Variants in XKR4 observed in about 807,000 individuals in gnomAD.
XKR4 encodes XK related 4, also known as XK-related protein 4.
In XKR4, 12 loss-of-function variants were observed where a neutral mutation model predicts 53.9. The ratio of observed to expected loss-of-function variants is 0.22; its 90% CI spans 0.14 to 0.36. The LOEUF (loss-of-function observed/expected upper bound fraction) is 0.36, where lower values mean the gene tolerates loss of function less well. Ranked by LOEUF, XKR4 falls within the 10% of genes least tolerant of loss-of-function variation. The probability of loss-of-function intolerance (pLI) is 1.00; values close to 1 mark genes in which losing one functional copy is unlikely to be tolerated. For missense variants in XKR4, 799 were observed against 859.5 expected, an observed-to-expected ratio of 0.93 and a Z score of 0.88; for synonymous variants, 354 against 362.4, an observed-to-expected ratio of 0.98 and a Z score of 0.26.
At chr8:55,257,231 G>T (rs745741422) in intron 1 of XKR4, among the ~76,000 whole-genome samples, 1 of 152,092 alleles carries the variant, frequency 6.6e-6, no homozygotes, top group Non-Finnish European at 1.5e-5. Flanking sequence ...ATATTCTAAG[G>T]CTTCCTTAAG....
At chr8:55,336,078 C>T (rs1312543697) in intron 1 of XKR4, among the ~76,000 whole-genome samples, 1 of 145,560 alleles carries the variant, frequency 6.9e-6, no homozygotes, top group Non-Finnish European at 1.5e-5. Flanking sequence ...AAACAGAGTA[C>T]TTATAAAAGT....
chr8:55,451,424 G>A (rs935974760), intron 2 of XKR4: 2 of 1,158,004 alleles, frequency 1.7e-6, no homozygotes, highest in African/African-American at 1.5e-5. Context: ...GAGTAGCGGG[G>A]CATGGAGCTG....
Position 55,103,058 on chromosome 8 carries a change from C to G in XKR4, c.570C>G (p.Ala190=), listed in dbSNP as rs1026625590. 1.9e-6 allele frequency: 3 copies of G among 1,612,828 alleles called. No individual in the cohort carries two copies. The highest frequency in any genetic ancestry group is 1.7e-5 in the Admixed American group (1 of 59,968). ...CCTCCAGCTGCCCGCAGCCTGGAGC[C>G]GATTGCAAGACGGTGGTCGGCGGTG... ...AAASSCPQPG[A]DCKTVVGGGS... Residue 190 remains alanine, a synonymous_variant, in exon 1 of 3, where the codon GCC becomes GCG. Coordinates refer to ENST00000327381, the MANE Select transcript of XKR4 (RefSeq NM_052898.2).
rs1270518503 is a variant in XKR4, at chr8:55,465,459, T to C, written c.1007-57822T>C. Among the ~76,000 whole-genome samples, 3 of 152,044 alleles carry C rather than the reference T, an allele frequency of 2.0e-5. No homozygotes were observed. The East Asian group carries it at 5.8e-4, about 29-fold the overall frequency. ...TGTAGAAAGCTGAAACTGGATCCCTTCCTTACACCTTATACAAAAATTAAC... is the reference window on the plus strand; with the variant it reads ...TGTAGAAAGCTGAAACTGGATCCCTCCCTTACACCTTATACAAAAATTAAC... On this transcript the variant is annotated intron_variant, in intron 2 of 2. Coordinates refer to ENST00000327381, the MANE Select transcript of XKR4 (RefSeq NM_052898.2).
At chr8:55,439,432 G>A (rs961482444) in intron 2 of XKR4, among the ~76,000 whole-genome samples, 1 of 152,072 alleles carries the variant, frequency 6.6e-6, no homozygotes, top group African/African-American at 2.4e-5. Flanking sequence ...CAACAGATTG[G>A]CAAAGTCAGC....
chr8:55,307,790 A>G (rs4737297), intron 1 of XKR4, among the ~76,000 whole-genome samples: 16,890 of 152,242 alleles, frequency 0.11, 1,791 homozygotes, highest in African/African-American at 0.28. Flanking sequence ...AATTAAGAAC[A>G]GTGACAGCAG....
intron 2 of XKR4, among the ~76,000 whole-genome samples, chr8:55,398,265 G>A (rs1363357574): frequency 6.6e-6 from 1 of 152,150 alleles, no homozygotes; most frequent in African/African-American, 2.4e-5. Flanking sequence ...TAGAGAGGGA[G>A]GTGAGGAGGA....
chr8:55,194,442 T>C (rs1295537270), intron 1 of XKR4, among the ~76,000 whole-genome samples: 1 of 152,180 alleles, frequency 6.6e-6, no homozygotes, highest in Non-Finnish European at 1.5e-5. Context: ...TCTACCCATA[T>C]ACCACGATTG....
At chr8:55,204,562 C>G (rs546511211) in intron 1 of XKR4, among the ~76,000 whole-genome samples, 1 of 152,090 alleles carries the variant, frequency 6.6e-6, no homozygotes, top group Non-Finnish European at 1.5e-5. Flanking sequence ...TTTATACCCA[C>G]GTAGCCCATG....
chr8:55,527,991 T>C lies in XKR4; in HGVS notation c.*3764T>C, dbSNP rs1806900760. The C allele has an allele frequency of 2.0e-5, 3 of 152,030 alleles. No homozygotes were observed. The highest frequency in any genetic ancestry group is 6.5e-5 in the Admixed American group (1 of 15,284). The allele number at this position is 152,030 out of a possible 1,614,324, so 9.4% of individuals were successfully genotyped here. A position where few individuals can be genotyped will look rare whatever the true frequency, so the allele number is the denominator to read the frequency against. ...ACATATATGTATATATACGTACCTA[T>C]ATATGTATGTACACACACACACACA... On this transcript the variant is annotated 3_prime_UTR_variant, in exon 3 of 3. Transcript: ENST00000327381.
At chr8:55,308,731 T>C (rs1281846182) in intron 1 of XKR4, among the ~76,000 whole-genome samples, 2 of 152,184 alleles carry the variant, frequency 1.3e-5, no homozygotes, top group African/African-American at 4.8e-5. Context: ...TTATTTGAAA[T>C]AATCCAGAAA....
chr8:55,425,921 G>T (rs1040472280), intron 2 of XKR4, among the ~76,000 whole-genome samples: 1 of 152,134 alleles, frequency 6.6e-6, no homozygotes, highest in African/African-American at 2.4e-5. Context: ...TGCCATCAGC[G>T]GCTTTCCTTT....
At chr8:55,393,064 T>G (rs1341817579) in intron 2 of XKR4, among the ~76,000 whole-genome samples, 2 of 152,086 alleles carry the variant, frequency 1.3e-5, no homozygotes, top group African/African-American at 4.8e-5. Context: ...CATCATCATT[T>G]TAAAATGCCA....
chr8:55,382,903 G>A lies in XKR4; in HGVS notation c.1006+25026G>A, dbSNP rs544336196. ...CACAGACCCAGGCACATTTGGGTGA[G>A]TAAATGAATGAACACATGTTCAAAC... On this transcript the variant is annotated intron_variant, in intron 2 of 2. Transcript: ENST00000327381. 2.0e-5 allele frequency among the ~76,000 whole-genome samples: 3 copies of A among 152,260 alleles called. No individual in the cohort carries two copies. The South Asian group carries it at 6.2e-4, about 32-fold the overall frequency.
rs185107860 is a variant in XKR4, at chr8:55,234,287, G to A, written c.807-123391G>A. Among the ~76,000 whole-genome samples, 13 of 152,226 alleles carry A rather than the reference G, an allele frequency of 8.5e-5. No individual in the cohort carries two copies. In the East Asian group the frequency reaches 2.5e-3, roughly 29 times the overall value. On this transcript the variant is annotated intron_variant, in intron 1 of 2. Transcript: ENST00000327381. Reference sequence around the variant, plus strand: ...TTGTTCCTTTTGTACTTAAAGTAGTGCAAAATCAGATTTTTGCAAAAATAC... The same window carrying A: ...TTGTTCCTTTTGTACTTAAAGTAGTACAAAATCAGATTTTTGCAAAAATAC...
intron 2 of XKR4, among the ~76,000 whole-genome samples, chr8:55,491,653 T>TGTTTGTTTG (rs1806274195): frequency 1.3e-5 from 2 of 151,860 alleles, no homozygotes; most frequent in African/African-American, 4.8e-5. Context: ...TTTGTTTGTT[T>TGTTTGTTTG]GTTTTTTATT....
chr8:55,398,738 G>C (rs1039072735), intron 2 of XKR4, among the ~76,000 whole-genome samples: 1 of 152,190 alleles, frequency 6.6e-6, no homozygotes, highest in Non-Finnish European at 1.5e-5. Flanking sequence ...GGGTTGTGAG[G>C]AAACAGGACT....
chr8:55,267,863 T>C (rs1162043660), intron 1 of XKR4, among the ~76,000 whole-genome samples: 1 of 152,194 alleles, frequency 6.6e-6, no homozygotes, highest in East Asian at 1.9e-4. Flanking sequence ...AAGTGCTCTG[T>C]AGGAAGAAGA....
intron 1 of XKR4, among the ~76,000 whole-genome samples, chr8:55,134,102 A>G (rs895537731): frequency 1.3e-5 from 2 of 152,244 alleles, no homozygotes; most frequent in African/African-American, 2.4e-5. Context: ...AGCTAATTAC[A>G]GAAAATAATC....
Sources: allele counts gnomAD v4.1 joint callset (sites outside exome capture counted in the v4.1 genomes callset), GRCh38; gene constraint gnomAD v4.1.1; transcripts MANE v1.5; gene names NCBI Gene and HGNC (gene_info 2026-07-23, HGNC 2026-07-21).